Variants in CPVL observed in about 807,000 individuals in gnomAD.
The protein encoded by CPVL is probable serine carboxypeptidase CPVL.
Under a neutral mutation model 63.7 loss-of-function variants are expected in CPVL, and 51 were observed. The observed-to-expected ratio is 0.80, with a 90% confidence interval of 0.64 to 1.01. The LOEUF (loss-of-function observed/expected upper bound fraction) is 1.01, where lower values mean the gene tolerates loss of function less well. CPVL is among the 50% of genes least tolerant of loss of function. CPVL has a pLI of 0.00. For missense variants in CPVL, 530 were observed against 573.1 expected (o/e 0.92, Z 0.77); for synonymous variants, 195 against 206.0 (o/e 0.95, Z 0.46).
At chr7:29,124,506 ATAT>A (rs1789771462) in intron 1 of CPVL, among the ~76,000 whole-genome samples, 1 of 152,154 alleles carries the variant, frequency 6.6e-6, no homozygotes. Flanking sequence ...TAAACCTTAA[ATAT>A]TAAAGTTGAA....
intron 1 of CPVL, chr7:29,126,982 A>T (rs1436822090): frequency 1.3e-5 from 2 of 152,222 alleles, no homozygotes; most frequent in Admixed American, 1.3e-4. Context: ...AGACACGCCT[A>T]TCTCCTTTTC....
rs1297878727 is a variant in CPVL at position 29,094,531 on chromosome 7, C to T, written c.462+553G>A. On this transcript the variant is annotated intron_variant, in intron 5 of 12. Coordinates refer to ENST00000265394, the MANE Select transcript of CPVL (RefSeq NM_031311.5). ...CTCCTGGGTTACCTAATTCAGTGAA[C>T]AGGACATCTCATAGGATTAAAAATA... 2.6e-5 allele frequency among the ~76,000 whole-genome samples: 4 copies of T among 151,980 alleles called. No individual in the cohort carries two copies. In the East Asian group the frequency reaches 7.7e-4, roughly 29 times the overall value.
At chr7:29,120,817 T>TAA (rs1789286352) in intron 2 of CPVL, 76 bp downstream of exon 2, 1 of 1,047,182 alleles carries the variant, frequency 9.5e-7, no homozygotes. Context: ...AGACTTCGTC[T>TAA]CAAAAAAAAA....
chr7:29,092,894 C>T (rs923189139), intron 5 of CPVL, among the ~76,000 whole-genome samples, 192 bp from the exon 6 acceptor site: 2 of 152,128 alleles, frequency 1.3e-5, no homozygotes, highest in Non-Finnish European at 2.9e-5. Flanking sequence ...CTCTCCACCC[C>T]CTAAAGCCCA....
chr7:29,165,537 CT>C (rs1336606349), intron 5 of CPVL, among the ~76,000 whole-genome samples: 27 of 151,838 alleles, frequency 1.8e-4, no homozygotes, highest in African/African-American at 5.6e-4. Context: ...ACCTGTATGC[CT>C]TTGTTATTTC....
intron 1 of CPVL, among the ~76,000 whole-genome samples, chr7:29,121,323 C>T (rs1208001314): frequency 9.3e-5 from 14 of 151,122 alleles, no homozygotes; most frequent in African/African-American, 3.4e-4. Context: ...TTTTTTTAAA[C>T]AGAGTCTTGC....
chr7:29,117,625 T>C lies in CPVL; in HGVS notation c.169+3268A>G, dbSNP rs191960794. 1.7e-4 allele frequency among the ~76,000 whole-genome samples: 26 copies of C among 152,280 alleles called. No homozygotes were observed. In the East Asian group the frequency reaches 3.9e-3, roughly 23 times the overall value. On this transcript the variant is annotated intron_variant, in intron 2 of 12. Coordinates refer to ENST00000265394, the MANE Select transcript of CPVL (RefSeq NM_031311.5). ...CCATGGGCCCTGGGGTTGGCCAGTA[T>C]AGGTTTTAATTCAAGCTCTGCCACT...
rs572793563 is a variant in CPVL, at chr7:29,067,132, G to A, written c.865-1011C>T. Among the ~76,000 whole-genome samples the A allele has an allele frequency of 1.1e-4, 16 of 152,270 alleles. No homozygotes were observed. The South Asian group carries it at 3.1e-3, about 30-fold the overall frequency. Reference sequence around the variant, plus strand: ...TAGTTGGAGAAAGATGTTTGAATGTGTGATTGTGGATCAGCTGCCAGCATT... The same window carrying A: ...TAGTTGGAGAAAGATGTTTGAATGTATGATTGTGGATCAGCTGCCAGCATT... On this transcript the variant is annotated intron_variant, in intron 9 of 12. Transcript: ENST00000265394.
chr7:29,139,247 A>G (rs1171675999), intron 1 of CPVL, among the ~76,000 whole-genome samples: 1 of 152,214 alleles, frequency 6.6e-6, no homozygotes, highest in Non-Finnish European at 1.5e-5. Context: ...TCCTTGGGCA[A>G]GCCAATTCAC....
At chr7:29,103,301 A>G (rs2128620737) in intron 3 of CPVL, among the ~76,000 whole-genome samples, 1 of 145,264 alleles carries the variant, frequency 6.9e-6, no homozygotes, top group Non-Finnish European at 1.5e-5. Flanking sequence ...GCTGGAGTGC[A>G]ATAGCGTGAT....
intron 11 of CPVL, among the ~76,000 whole-genome samples, chr7:29,033,519 C>T (rs1788236254): frequency 6.6e-6 from 1 of 152,198 alleles, no homozygotes. Flanking sequence ...CCCAGTTTGC[C>T]CTGGACAGGA....
intron 11 of CPVL, among the ~76,000 whole-genome samples, chr7:29,053,787 TCA>T (rs1335302363): frequency 6.6e-6 from 1 of 150,652 alleles, no homozygotes; most frequent in Non-Finnish European, 1.5e-5. Flanking sequence ...CTGCAATGGC[TCA>T]CACCTGTAAT....
intron 11 of CPVL, among the ~76,000 whole-genome samples, chr7:29,035,434 G>C (rs1034946634): frequency 6.6e-5 from 10 of 152,206 alleles, no homozygotes; most frequent in African/African-American, 2.4e-4. Flanking sequence ...CTGAGAGTTA[G>C]TTGCATATGA....
chr7:29,038,077 C>G (rs1352783175), intron 11 of CPVL, among the ~76,000 whole-genome samples: 5 of 152,140 alleles, frequency 3.3e-5, no homozygotes. Flanking sequence ...CTTAAGTTGG[C>G]TGTGTGAGGC....
intron 12 of CPVL, among the ~76,000 whole-genome samples, chr7:29,020,873 T>C (rs1451213627): frequency 6.6e-6 from 1 of 152,194 alleles, no homozygotes; most frequent in African/African-American, 2.4e-5. Context: ...AAACATTAAA[T>C]CATATTAAGA....
chr7:29,137,050 C>G (rs1172526869), intron 1 of CPVL, among the ~76,000 whole-genome samples: 1 of 152,174 alleles, frequency 6.6e-6, no homozygotes, highest in Non-Finnish European at 1.5e-5. Context: ...AGTTTCCAAC[C>G]TTGACTTTAA....
chr7:29,134,314 CCAATCAACTG>C (rs1230923959), intron 1 of CPVL, among the ~76,000 whole-genome samples: 14 of 152,202 alleles, frequency 9.2e-5, no homozygotes, highest in African/African-American at 3.4e-4. Context: ...GTTGAATCCA[CCAATCAACTG>C]CAGGGAGCCA....
chr7:29,057,005 C>T (rs1224733628), intron 11 of CPVL, among the ~76,000 whole-genome samples: 5 of 137,020 alleles, frequency 3.6e-5, no homozygotes, highest in Admixed American at 1.6e-4. Context: ...GGCTAGAGTA[C>T]GGTGGCACAG....
Position 29,120,779 on chromosome 7 carries a change from C to A in CPVL, c.169+114G>T, listed in dbSNP as rs1789282010. ...GAGGTTGCAGTGAGCTGAGATCGCG[C>A]CACTGACCTCCAGCCTAGTGACAGG... On this transcript the variant is annotated intron_variant, in intron 2 of 12. Coordinates refer to ENST00000265394, the MANE Select transcript of CPVL (RefSeq NM_031311.5). The A allele has an allele frequency of 3.9e-6, 4 of 1,026,956 alleles. No individual in the cohort carries two copies. In the Admixed American group the frequency reaches 7.4e-5, roughly 19 times the overall value. 63.6% of individuals were successfully genotyped at this position (1,026,956 alleles called of 1,614,324 possible). A position where few individuals can be genotyped will look rare whatever the true frequency, so the allele number is the denominator to read the frequency against.
Sources: allele counts gnomAD v4.1 joint callset (sites outside exome capture counted in the v4.1 genomes callset), GRCh38; gene constraint gnomAD v4.1.1; transcripts MANE v1.5; gene names NCBI Gene and HGNC (gene_info 2026-07-23, HGNC 2026-07-21).